ZMYM2: variants seen among roughly 807,000 people sequenced by gnomAD.
ZMYM2 encodes the protein zinc finger MYM-type containing 2, also known as zinc finger MYM-type protein 2.
In ZMYM2, 56 loss-of-function variants were observed where a neutral mutation model predicts 162.8. The observed-to-expected ratio is 0.34, with a 90% CI of 0.28 to 0.43. The LOEUF (loss-of-function observed/expected upper bound fraction) is 0.43, where lower values mean the gene tolerates loss of function less well. Among genes scored for constraint, ZMYM2 ranks in the 20% least tolerant of loss-of-function variants. The pLI, the probability that ZMYM2 is intolerant of heterozygous loss-of-function variation, is 1.00. For missense variants in ZMYM2, 1,275 were observed against 1,621.8 expected, an observed-to-expected ratio of 0.79 and a Z score of 3.67; for synonymous variants, 510 against 541.6, an observed-to-expected ratio of 0.94 and a Z score of 0.81.
chr13:20,040,407 T>G (rs1223779996), intron 12 of ZMYM2, among the ~76,000 whole-genome samples: 1 of 152,148 alleles, frequency 6.6e-6, no homozygotes, highest in Non-Finnish European at 1.5e-5. Context: ...GGTGGTTATT[T>G]GTATTTCTGT....
intron 2 of ZMYM2, among the ~76,000 whole-genome samples, chr13:19,976,964 A>G (rs1956850804): frequency 6.6e-6 from 1 of 152,112 alleles, no homozygotes; most frequent in South Asian, 2.1e-4. Context: ...TTAGTTGTTA[A>G]GTATCTGTAT....
chr13:19,868,552 A>C, the ZMYM2 span, among the ~76,000 whole-genome samples: 1 of 152,280 alleles, frequency 6.6e-6, no homozygotes, highest in East Asian at 1.9e-4. Context: ...TCTAGAAGCT[A>C]GGAGTATTTA....
intron 2 of ZMYM2, among the ~76,000 whole-genome samples, chr13:19,983,856 G>A (rs530272104): frequency 2.0e-5 from 3 of 152,050 alleles, no homozygotes; most frequent in East Asian, 1.9e-4. Context: ...CTCCAACTGC[G>A]GGCTCAAGAG....
At position 20,083,038 on chromosome 13, in the gene ZMYM2, G is replaced by T; in HGVS notation, c.3820+6G>T. On this transcript the variant is annotated splice_donor_region_variant and intron_variant, in intron 23 of 24. Transcript: ENST00000610343. ...GTGTGGAACAGATAATGAAGGTAGT[G>T]TAACAGATTTCTATTTTTATTTTTA... The T allele has an allele frequency of 6.4e-7, 1 of 1,568,830 alleles. No individual in the cohort carries two copies. Among genetic ancestry groups the T allele is most frequent in the East Asian group, 2.3e-5 (1 of 44,238 alleles).
At chr13:20,057,751 A>G (rs1341312706) in intron 14 of ZMYM2, among the ~76,000 whole-genome samples, 1 of 152,242 alleles carries the variant, frequency 6.6e-6, no homozygotes, top group African/African-American at 2.4e-5. Context: ...CAGTTGATGA[A>G]AACATTGCGA....
chr13:19,880,748 T>C, the ZMYM2 span, among the ~76,000 whole-genome samples: 1 of 152,156 alleles, frequency 6.6e-6, no homozygotes, highest in Non-Finnish European at 1.5e-5. Flanking sequence ...TTTTCTTAAT[T>C]TTCTTTTTGG....
intron 24 of ZMYM2, among the ~76,000 whole-genome samples, chr13:20,084,060 A>T (rs1415115962): frequency 6.6e-6 from 1 of 152,184 alleles, no homozygotes; most frequent in Non-Finnish European, 1.5e-5. Flanking sequence ...CCGAGGCTGG[A>T]GTACAGTGGC....
At chr13:20,017,055 A>G (rs1315243724) in intron 6 of ZMYM2, among the ~76,000 whole-genome samples, 1 of 152,064 alleles carries the variant, frequency 6.6e-6, no homozygotes, top group Non-Finnish European at 1.5e-5. Context: ...CTGTTACATC[A>G]GTCTTGGCCT....
At chr13:19,907,386 T>C in the ZMYM2 span, among the ~76,000 whole-genome samples, 1 of 152,124 alleles carries the variant, frequency 6.6e-6, no homozygotes, top group Non-Finnish European at 1.5e-5. Context: ...ATGTGTGATG[T>C]TGATACCAGA....
the ZMYM2 span, chr13:19,864,928 C>T: frequency 1.3e-5 from 2 of 152,410 alleles, no homozygotes; most frequent in South Asian, 4.1e-4. Flanking sequence ...GGAAGCGATT[C>T]CGCTTTCGTC....
rs1243703096 is a variant in ZMYM2, at chr13:20,028,287, AGT to A, written c.1851+971_1851+972del. Among the ~76,000 whole-genome samples, 5 of 152,264 alleles carry A rather than the reference AGT, an allele frequency of 3.3e-5. No individual in the cohort carries two copies. In the East Asian group the frequency reaches 9.6e-4, roughly 29 times the overall value. On this transcript the variant is annotated intron_variant, in intron 9 of 24. Coordinates refer to ENST00000610343, the MANE Select transcript of ZMYM2 (RefSeq NM_197968.4). Reference sequence around the variant, plus strand: ...ATCATGGCCATTGATACATCCTTACAGTGGTAGATATTGCTTTTGCCTTGTTG... The same window carrying A: ...ATCATGGCCATTGATACATCCTTACAGGTAGATATTGCTTTTGCCTTGTTG...
the ZMYM2 span, among the ~76,000 whole-genome samples, chr13:19,877,876 G>A: frequency 3.3e-5 from 5 of 152,096 alleles, no homozygotes; most frequent in Non-Finnish European, 5.9e-5. Context: ...ATATCTTGAA[G>A]ACCCTGTTTT....
At chr13:19,905,016 T>TC in the ZMYM2 span, among the ~76,000 whole-genome samples, 3 of 150,584 alleles carry the variant, frequency 2.0e-5, no homozygotes, top group Admixed American at 1.3e-4. Context: ...ATTTTTTTTT[T>TC]TTTTTTTTTT....
the ZMYM2 span, among the ~76,000 whole-genome samples, chr13:19,938,239 G>T: frequency 6.6e-6 from 1 of 152,076 alleles, no homozygotes; most frequent in Non-Finnish European, 1.5e-5. Flanking sequence ...AGGTGTGTTG[G>T]CTCACACCTA....
chr13:20,082,996 T>C lies in ZMYM2; in HGVS notation c.3784T>C (p.Tyr1262His). 3 of 1,613,746 alleles carry C rather than the reference T, an allele frequency of 1.9e-6. No homozygotes were observed. The highest frequency in any genetic ancestry group is 2.5e-6 in the Non-Finnish European group (3 of 1,179,726). Residue 1262 changes from tyrosine to histidine, a missense_variant, in exon 23 of 25, where the codon TAC (tyrosine) becomes CAC (histidine). By Grantham distance (83) the Tyr-to-His change is moderately conservative. Coordinates refer to ENST00000610343, the MANE Select transcript of ZMYM2 (RefSeq NM_197968.4). Reference sequence around the variant, plus strand: ...GATGGAAAACAAAGCGTGTCTTCGATACCAAGTGTCTTCCTTGTGTGGAAC... The same window carrying C: ...GATGGAAAACAAAGCGTGTCTTCGACACCAAGTGTCTTCCTTGTGTGGAAC... ...LTMENKACLR[Y>H]QVSSLCGTDN...
chr13:19,962,111 A>G (rs1955285509), intron 2 of ZMYM2, among the ~76,000 whole-genome samples: 1 of 152,228 alleles, frequency 6.6e-6, no homozygotes, highest in South Asian at 2.1e-4. Flanking sequence ...GAATCACTCA[A>G]GTATGACATA....
intron 9 of ZMYM2, among the ~76,000 whole-genome samples, chr13:20,028,671 T>C (rs1457227520): frequency 1.3e-5 from 2 of 152,208 alleles, no homozygotes; most frequent in Non-Finnish European, 2.9e-5. Context: ...AGTCTTCCTG[T>C]GTACTTTAAA....
chr13:20,068,897 A>G (rs1247303452), intron 21 of ZMYM2, among the ~76,000 whole-genome samples: 7 of 152,072 alleles, frequency 4.6e-5, no homozygotes, highest in Non-Finnish European at 2.9e-5. Context: ...TTTTGGGGTT[A>G]TGTATGGAAT....
the ZMYM2 span, among the ~76,000 whole-genome samples, chr13:19,924,291 A>G: frequency 1.3e-5 from 2 of 152,140 alleles, no homozygotes; most frequent in Non-Finnish European, 2.9e-5. Context: ...CCGGCCAGGC[A>G]CGGTGGCTCA....
Sources: allele counts gnomAD v4.1 joint callset (sites outside exome capture counted in the v4.1 genomes callset), GRCh38; gene constraint gnomAD v4.1.1; transcripts MANE v1.5; gene names NCBI Gene and HGNC (gene_info 2026-07-23, HGNC 2026-07-21).